Variants in ARHGAP44 observed in about 807,000 individuals in gnomAD.
ARHGAP44 encodes the protein rho GTPase-activating protein 44.
Under a neutral mutation model 106.8 loss-of-function variants are expected in ARHGAP44, and 43 were observed. That is an observed-to-expected ratio of 0.40 (90% CI 0.32 to 0.52). The LOEUF is 0.52. ARHGAP44 is among the 20% of genes least tolerant of loss of function. The pLI is 0.48. For synonymous variants in ARHGAP44, 439 were observed against 410.3 expected (o/e 1.07, Z -0.85); for missense variants, 866 against 1,050.5 (o/e 0.82, Z 2.43).
chr17:12,877,607 G>A (rs913592500), intron 1 of ARHGAP44, among the ~76,000 whole-genome samples: 10 of 152,016 alleles, frequency 6.6e-5, no homozygotes, highest in East Asian at 1.9e-4. Context: ...AAAATTAGCC[G>A]GGCGAGGTGG....
At chr17:12,898,040 G>A (rs2150923342) in intron 3 of ARHGAP44, among the ~76,000 whole-genome samples, 1 of 152,216 alleles carries the variant, frequency 6.6e-6, no homozygotes, top group Non-Finnish European at 1.5e-5. Flanking sequence ...GATTGCCAAG[G>A]AGAGATAATT....
intron 1 of ARHGAP44, among the ~76,000 whole-genome samples, chr17:12,872,855 G>T (rs2036442862): frequency 1.3e-5 from 2 of 151,214 alleles, no homozygotes; most frequent in South Asian, 4.2e-4. Context: ...ACTTTACTTT[G>T]AAAGTCTCAG....
chr17:12,817,963 C>T (rs1221161657), intron 1 of ARHGAP44, among the ~76,000 whole-genome samples: 1 of 151,918 alleles, frequency 6.6e-6, no homozygotes, highest in Admixed American at 6.6e-5. Flanking sequence ...CAGTCTCTTT[C>T]AGAAAACAGA....
intron 2 of ARHGAP44, among the ~76,000 whole-genome samples, 194 bp downstream of exon 2, chr17:12,895,173 A>C (rs772875540): frequency 7.0e-6 from 1 of 143,412 alleles, no homozygotes; most frequent in Non-Finnish European, 1.5e-5. Flanking sequence ...AACAACCAAA[A>C]AAACCAAAAA....
chr17:12,849,594 T>TTTTTTTTTTTTG lies in ARHGAP44; in HGVS notation c.54-45346_54-45345insTTTTTTTTTTTG, dbSNP rs11373135. Among the ~76,000 whole-genome samples the TTTTTTTTTTTTG allele has an allele frequency of 1.2e-4, 13 of 112,456 alleles. 2 individuals are homozygous for TTTTTTTTTTTTG. The highest frequency in any genetic ancestry group is 2.2e-4 in the African/African-American group (5 of 22,814). The allele number at this position is 112,456 out of a possible 152,430, so 73.8% of individuals were successfully genotyped here. A position where few individuals can be genotyped will look rare whatever the true frequency, so the allele number is the denominator to read the frequency against. ...TTTTTTTTTTTTTTTTTTTTTTTTTTGCTTGGCTTCAGCGTTTTCACCTTG... is the reference window on the plus strand; with the variant it reads ...TTTTTTTTTTTTTTTTTTTTTTTTTTTTTTTTTTTTTGGCTTGGCTTCAGCGTTTTCACCTTG... On this transcript the variant is annotated intron_variant, in intron 1 of 20. Transcript: ENST00000379672.
At chr17:12,790,176 C>A (rs2033696973) in intron 1 of ARHGAP44, 3 of 423,922 alleles carry the variant, frequency 7.1e-6, no homozygotes, top group Admixed American at 9.6e-5. Context: ...CTTCGTCCTC[C>A]CTGCCTTTCC....
Position 12,974,365 on chromosome 17 carries a change from T to C in ARHGAP44, c.1763+55T>C. ...GCTGGTGTGCGGTGCAGGGGGTGTC[T>C]GGGTTGGCCGCACTGGAGGCCTCTT... On this transcript the variant is annotated intron_variant, in intron 18 of 20. Coordinates refer to ENST00000379672, the MANE Select transcript of ARHGAP44 (RefSeq NM_014859.6). The C allele has an allele frequency of 2.3e-6, 3 of 1,323,850 alleles. No individual in the cohort carries two copies. In the South Asian group the frequency reaches 5.8e-5, roughly 25 times the overall value. The allele number at this position is 1,323,850 out of a possible 1,614,324, so 82.0% of individuals were successfully genotyped here.
chr17:12,942,023 C>T (rs1011758120), intron 8 of ARHGAP44, among the ~76,000 whole-genome samples: 1 of 152,166 alleles, frequency 6.6e-6, no homozygotes, highest in Non-Finnish European at 1.5e-5. Context: ...TATGGTCAAA[C>T]AACTGTGGGC....
intron 1 of ARHGAP44, among the ~76,000 whole-genome samples, chr17:12,864,632 A>G (rs1161494585): frequency 1.3e-5 from 2 of 152,208 alleles, no homozygotes; most frequent in African/African-American, 4.8e-5. Flanking sequence ...GAAACATCAC[A>G]GCTTGCTTAG....
chr17:12,891,472 C>T (rs999735219), intron 1 of ARHGAP44, among the ~76,000 whole-genome samples: 4 of 152,152 alleles, frequency 2.6e-5, no homozygotes, highest in Non-Finnish European at 4.4e-5. Flanking sequence ...AGGGAGCTCA[C>T]GTTGTCCTTT....
chr17:12,934,563 G>A (rs1365990495), intron 7 of ARHGAP44, among the ~76,000 whole-genome samples: 5 of 152,168 alleles, frequency 3.3e-5, no homozygotes, highest in South Asian at 4.1e-4. Context: ...GCAAACCTAC[G>A]AGCAAGCGTG....
intron 1 of ARHGAP44, among the ~76,000 whole-genome samples, chr17:12,828,961 T>G (rs2035008466): frequency 6.6e-6 from 1 of 152,162 alleles, no homozygotes; most frequent in South Asian, 2.1e-4. Context: ...TTATTTTGGA[T>G]TTTTATATCA....
chr17:12,958,283 A>G lies in ARHGAP44; in HGVS notation c.1343-434A>G, dbSNP rs552744321. 6.6e-6 allele frequency among the ~76,000 whole-genome samples: 1 copy of G among 152,134 alleles called. No individual in the cohort carries two copies. Among genetic ancestry groups the G allele is most frequent in the Non-Finnish European group, 1.5e-5 (1 of 68,030 alleles). ...GCAGTGTCATCATCTATAAATATTA[A>G]TATTGCCTCTTATTTTATTTTCTTG... On this transcript the variant is annotated intron_variant, in intron 15 of 20. Coordinates refer to ENST00000379672, the MANE Select transcript of ARHGAP44 (RefSeq NM_014859.6). The surrounding 1 kb of genome is among the most constrained non-coding windows in gnomAD (Gnocchi z 4.1).
Position 12,990,402 on chromosome 17 carries a change from T to G in ARHGAP44, c.*231T>G. ...GGTGACTTCGGCCTTTTGTTTGACC[T>G]TTGCCTTTTGACTTTGTGCCTCTTT... On this transcript the variant is annotated 3_prime_UTR_variant, in exon 21 of 21. Coordinates refer to ENST00000379672, the MANE Select transcript of ARHGAP44 (RefSeq NM_014859.6). 1.9e-6 allele frequency: 1 copy of G among 513,180 alleles called. No homozygotes were observed. The highest frequency in any genetic ancestry group is 3.5e-6 in the Non-Finnish European group (1 of 288,848). 31.8% of individuals were successfully genotyped at this position (513,180 alleles called of 1,614,324 possible). A position where few individuals can be genotyped will look rare whatever the true frequency, so the allele number is the denominator to read the frequency against.
In ARHGAP44 at chr17:12,990,264, C is replaced by A; in HGVS notation, c.*93C>A. The A allele has an allele frequency of 6.8e-7, 1 of 1,465,128 alleles. No individual in the cohort carries two copies. Among genetic ancestry groups the A allele is most frequent in the Non-Finnish European group, 9.1e-7 (1 of 1,092,932 alleles). The allele number at this position is 1,465,128 out of a possible 1,614,324, so 90.8% of individuals were successfully genotyped here. ...CGTCCATGAGCTTGCCAAGTGTTCT[C>A]TGCTGGCTCTTTCCTGCCACTGCCA... is the stretch of plus-strand genomic sequence containing the variant. On this transcript the variant is annotated 3_prime_UTR_variant, in exon 21 of 21. Coordinates refer to ENST00000379672, the MANE Select transcript of ARHGAP44 (RefSeq NM_014859.6).
chr17:12,912,859 G>A (rs918077898), intron 4 of ARHGAP44, among the ~76,000 whole-genome samples: 6 of 152,156 alleles, frequency 3.9e-5, no homozygotes, highest in African/African-American at 9.7e-5. Flanking sequence ...CGTGACATAC[G>A]TGGCCTCAGA....
intron 1 of ARHGAP44, among the ~76,000 whole-genome samples, chr17:12,869,865 A>G (rs2036357144): frequency 6.6e-6 from 1 of 151,928 alleles, no homozygotes; most frequent in South Asian, 2.1e-4. Context: ...ATAGCTTTAC[A>G]TGTCAAATAA....
chr17:12,920,117 C>A (rs2038031693), intron 6 of ARHGAP44, among the ~76,000 whole-genome samples: 1 of 152,052 alleles, frequency 6.6e-6, no homozygotes. Flanking sequence ...TGGCTCACAC[C>A]TGTAACCCAG....
In ARHGAP44 at chr17:12,972,521, G is replaced by C. The variant is rs148320185; in HGVS notation, c.1524-781G>C. On this transcript the variant is annotated intron_variant, in intron 16 of 20. Coordinates refer to ENST00000379672, the MANE Select transcript of ARHGAP44 (RefSeq NM_014859.6). Reference sequence around the variant, plus strand: ...AAATTAGCTGGGTGTGGTGGCGGGTGCCTGTAATCCCAGCTACTCGGGAGG... The same window carrying C: ...AAATTAGCTGGGTGTGGTGGCGGGTCCCTGTAATCCCAGCTACTCGGGAGG... Among the ~76,000 whole-genome samples, 1,166 of 151,770 alleles carry C rather than the reference G, an allele frequency of 7.7e-3. 43 individuals are homozygous for C. In the East Asian group the frequency reaches 0.13, roughly 16 times the overall value.
Sources: gnomAD v4.1 joint callset for allele counts (sites outside exome capture counted in the v4.1 genomes callset) on GRCh38, gnomAD v4.1.1 for gene constraint, Gnocchi (gnomAD v3.1) non-coding constraint, MANE v1.5 for transcripts, NCBI Gene and HGNC (gene_info 2026-07-23, HGNC 2026-07-21) for gene names.